Variants in ATP9A observed in about 807,000 individuals in gnomAD.
ATP9A encodes ATPase phospholipid transporting 9A.
ATP9A carries 52 observed loss-of-function variants against 144.1 expected under a neutral mutation model. The observed-to-expected ratio is 0.36, with a 90% confidence interval of 0.29 to 0.45. The LOEUF (loss-of-function observed/expected upper bound fraction) is 0.45. ATP9A is among the 20% of genes least tolerant of loss of function. The pLI is 1.00. For synonymous variants in ATP9A, 582 were observed against 557.4 expected, an observed-to-expected ratio of 1.04 and a Z score of -0.62; for missense variants, 947 against 1,392.7, an observed-to-expected ratio of 0.68 and a Z score of 5.09.
At chr20:51,692,567 T>G (rs2077553026) in intron 7 of ATP9A, among the ~76,000 whole-genome samples, 1 of 152,108 alleles carries the variant, frequency 6.6e-6, no homozygotes, top group Non-Finnish European at 1.5e-5. Context: ...TTTGGGAAGC[T>G]GAGGTGGGTG....
intron 1 of ATP9A, among the ~76,000 whole-genome samples, chr20:51,760,274 GTT>G (rs141067188): frequency 0.19 from 29,341 of 151,956 alleles, 3,285 homozygotes; most frequent in East Asian, 0.31. Flanking sequence ...TAAATATGCG[GTT>G]TTTAAAAAAC....
chr20:51,596,704 C>T lies in ATP9A; in HGVS notation c.*4507G>A, dbSNP rs1306177826. On this transcript the variant is annotated 3_prime_UTR_variant, in exon 28 of 28. Transcript: ENST00000338821. Reference sequence around the variant, plus strand: ...CCATGAAATAAAGAAAAAATAGGAGCGTTATAATAAAAAGTCCTCATTTTG... The same window carrying T: ...CCATGAAATAAAGAAAAAATAGGAGTGTTATAATAAAAAGTCCTCATTTTG... 3 of 151,770 alleles carry T rather than the reference C, an allele frequency of 2.0e-5. No homozygotes were observed. Among genetic ancestry groups the T allele is most frequent in the Admixed American group, 6.6e-5 (1 of 15,242 alleles). The allele number at this position is 151,770 out of a possible 1,614,324, so 9.4% of individuals were successfully genotyped here. A position where few individuals can be genotyped will look rare whatever the true frequency, so the allele number is the denominator to read the frequency against.
chr20:51,763,853 C>T (rs2077892913), intron 1 of ATP9A, among the ~76,000 whole-genome samples: 1 of 152,126 alleles, frequency 6.6e-6, no homozygotes, highest in African/African-American at 2.4e-5. Flanking sequence ...GGTACCTAAG[C>T]TCCCATCCTT....
chr20:51,613,893 C>A, intron 22 of ATP9A, 61 bp from the exon 23 acceptor site: 1 of 1,480,134 alleles, frequency 6.8e-7, no homozygotes, highest in East Asian at 2.4e-5. Context: ...AACACATTTT[C>A]TTTCACTGAA....
At chr20:51,638,098 TATATA>T (rs2077302048) in intron 15 of ATP9A, among the ~76,000 whole-genome samples, 1 of 104,770 alleles carries the variant, frequency 9.5e-6, no homozygotes, top group Non-Finnish European at 2.0e-5. Context: ...TATATATATA[TATATA>T]TATATATATA....
At chr20:51,613,178 C>A (rs1437450187) in intron 23 of ATP9A, among the ~76,000 whole-genome samples, 1 of 152,182 alleles carries the variant, frequency 6.6e-6, no homozygotes, top group African/African-American at 2.4e-5. Flanking sequence ...ACAGGAGGCA[C>A]ACAAGCAAAG....
intron 15 of ATP9A, among the ~76,000 whole-genome samples, chr20:51,638,081 A>C (rs1433033324): frequency 4.1e-5 from 1 of 24,104 alleles, no homozygotes; most frequent in African/African-American, 1.8e-4. Flanking sequence ...TTATATATAT[A>C]TATATATATA....
intron 22 of ATP9A, among the ~76,000 whole-genome samples, chr20:51,614,056 T>G (rs1479473377): frequency 6.6e-6 from 1 of 152,226 alleles, no homozygotes; most frequent in African/African-American, 2.4e-5. Flanking sequence ...TAGTTATAAT[T>G]TGGACGTCAA....
chr20:51,733,035 C>A (rs931790526), intron 1 of ATP9A, among the ~76,000 whole-genome samples: 1 of 152,014 alleles, frequency 6.6e-6, no homozygotes, highest in Non-Finnish European at 1.5e-5. Context: ...AAGAGAATCA[C>A]AAACTGTCAG....
chr20:51,689,690 G>A (rs1480486082), intron 8 of ATP9A, among the ~76,000 whole-genome samples: 1 of 151,682 alleles, frequency 6.6e-6, no homozygotes, highest in Non-Finnish European at 1.5e-5. Flanking sequence ...CCAAAATGCT[G>A]GGATTACAGG....
At chr20:51,717,236 T>C (rs1386926225) in intron 3 of ATP9A, among the ~76,000 whole-genome samples, 1 of 150,686 alleles carries the variant, frequency 6.6e-6, no homozygotes. Context: ...CATTCAGAAC[T>C]GCTGCACTTA....
At chr20:51,675,909 A>G (rs1466714932) in intron 10 of ATP9A, among the ~76,000 whole-genome samples, 1 of 152,066 alleles carries the variant, frequency 6.6e-6, no homozygotes, top group Admixed American at 6.6e-5. Flanking sequence ...AAAGGCACAA[A>G]AAAGTCATAT....
chr20:51,638,091 A>AAAATGC lies in ATP9A; in HGVS notation c.1668+1251_1668+1252insGCATTT, dbSNP rs1333187433. 9.1e-5 allele frequency among the ~76,000 whole-genome samples: 4 copies of AAAATGC among 43,996 alleles called. 1 individual carries two copies. Among genetic ancestry groups the AAAATGC allele is most frequent in the African/African-American group, 3.4e-4 (4 of 11,668 alleles). 28.9% of individuals were successfully genotyped at this position (43,996 alleles called of 152,430 possible). A position where few individuals can be genotyped will look rare whatever the true frequency, so the allele number is the denominator to read the frequency against. ...TCATTTTATATATATATATATATAT[A>AAAATGC]TATATATATATATATATATATATAT... On this transcript the variant is annotated intron_variant, in intron 15 of 27. Transcript: ENST00000338821.
At chr20:51,622,805 T>G (rs565535877) in intron 18 of ATP9A, among the ~76,000 whole-genome samples, 2 of 152,328 alleles carry the variant, frequency 1.3e-5, no homozygotes, top group East Asian at 3.9e-4. Context: ...ATGTGCTTCC[T>G]GCTCTGTGAT....
intron 2 of ATP9A, among the ~76,000 whole-genome samples, chr20:51,728,621 C>G (rs1444839372): frequency 4.8e-5 from 3 of 62,508 alleles, no homozygotes; most frequent in Non-Finnish European, 9.0e-5. Flanking sequence ...AGCGAGACTC[C>G]ATCTCAAAAA....
intron 19 of ATP9A, 33 bp from the exon 20 acceptor site, chr20:51,619,076 T>C: frequency 6.3e-7 from 1 of 1,576,834 alleles, no homozygotes; most frequent in Non-Finnish European, 8.7e-7. Context: ...AAGGAGGCAT[T>C]GCTCTCCGGA....
At chr20:51,661,857 A>G (rs1447665751) in intron 13 of ATP9A, among the ~76,000 whole-genome samples, 1 of 152,232 alleles carries the variant, frequency 6.6e-6, no homozygotes, top group Non-Finnish European at 1.5e-5. Flanking sequence ...AGTAAATCCA[A>G]TGTTTACTGT....
chr20:51,678,281 G>C lies in ATP9A; in HGVS notation c.800-2073C>G, dbSNP rs189768395. Among the ~76,000 whole-genome samples, 11 of 152,198 alleles carry C rather than the reference G, an allele frequency of 7.2e-5. No homozygotes were observed. In the East Asian group the frequency reaches 1.7e-3, roughly 24 times the overall value. ...CAAGCAATTTGGTCTCTGCCAGAAA[G>C]AGAAAACACCTCTTTCTCTGTGCTC... On this transcript the variant is annotated intron_variant, in intron 9 of 27. Coordinates refer to ENST00000338821, the MANE Select transcript of ATP9A (RefSeq NM_006045.3).
intron 9 of ATP9A, among the ~76,000 whole-genome samples, chr20:51,677,908 C>T (rs888199808): frequency 1.3e-5 from 2 of 152,138 alleles, no homozygotes; most frequent in East Asian, 3.9e-4. Context: ...GTGGTACACA[C>T]TGCTGGCTGA....
Sources: gnomAD v4.1 joint callset for allele counts (sites outside exome capture counted in the v4.1 genomes callset) on GRCh38, gnomAD v4.1.1 for gene constraint, MANE v1.5 for transcripts, NCBI Gene and HGNC (gene_info 2026-07-23, HGNC 2026-07-21) for gene names.